The following SFI1 variants were observed in gnomAD, a reference collection of about 807,000 sequenced individuals.
SFI1 encodes SFI1 centrin binding protein.
In SFI1, 195 loss-of-function variants were observed where a neutral mutation model predicts 207.5. That is an observed-to-expected ratio of 0.94 (90% confidence interval 0.84 to 1.06). The LOEUF (loss-of-function observed/expected upper bound fraction) is 1.06, where lower values mean the gene tolerates loss of function less well. Ranked by LOEUF, SFI1 falls within the 50% of genes least tolerant of loss-of-function variation. The probability of loss-of-function intolerance (pLI) is 0.00; values close to 1 mark genes in which losing one functional copy is unlikely to be tolerated. For synonymous variants in SFI1, 630 were observed against 598.9 expected (o/e 1.05, Z -0.76); for missense variants, 1,634 against 1,588.0 (o/e 1.03, Z -0.49).
At chr22:31,557,347 GT>G (rs554292941) in intron 7 of SFI1, among the ~76,000 whole-genome samples, 55 of 139,590 alleles carry the variant, frequency 3.9e-4, no homozygotes, top group African/African-American at 4.5e-4. Context: ...CCCAGCTAAT[GT>G]TTTTTTTTTT....
At chr22:31,602,337 G>A (rs1373062221) in intron 16 of SFI1, 44 bp downstream of exon 16, 1 of 1,573,344 alleles carries the variant, frequency 6.4e-7, no homozygotes. Flanking sequence ...GGCAGGATCT[G>A]ATTCAAGCCA....
At chr22:31,509,137 T>G (rs771254056) in intron 2 of SFI1, among the ~76,000 whole-genome samples, 14 of 152,188 alleles carry the variant, frequency 9.2e-5, no homozygotes, top group Non-Finnish European at 1.3e-4. Context: ...TAAATCCCAC[T>G]TAGTCATGGT....
chr22:31,557,922 C>G (rs1011849064), intron 7 of SFI1, among the ~76,000 whole-genome samples: 1 of 152,142 alleles, frequency 6.6e-6, no homozygotes, highest in African/African-American at 2.4e-5. Flanking sequence ...ACAGATTTCA[C>G]TCTATGTTGT....
At chr22:31,613,301 TG>T in intron 25 of SFI1, 52 bp from the exon 26 acceptor site, 2 of 1,605,250 alleles carry the variant, frequency 1.2e-6, no homozygotes. Flanking sequence ...ACCTGGTCTG[TG>T]GGGGAGCTCT....
At chr22:31,583,520 G>A (rs2064623668) in intron 12 of SFI1, among the ~76,000 whole-genome samples, 1 of 152,116 alleles carries the variant, frequency 6.6e-6, no homozygotes, top group South Asian at 2.1e-4. Flanking sequence ...ACATCTGAGG[G>A]CTTGTTTAGA....
intron 13 of SFI1, among the ~76,000 whole-genome samples, 176 bp downstream of exon 13, chr22:31,584,148 G>T (rs73160662): frequency 0.063 from 9,554 of 152,258 alleles, 420 homozygotes; most frequent in Admixed American, 0.15. Context: ...TGGCTGATCA[G>T]ATGGGAGATA....
chr22:31,618,402 G>A lies in SFI1; in HGVS notation c.3713G>A (p.Arg1238Gln), dbSNP rs776906445. ...TGCGTTGCCCGCATCCAGGCCCTGC[G>A]GCAGGCCCTGTGCTAGCGTGTTCGC... Reference protein sequence around the residue: ...GACVARIQALRQALC With the variant: ...GACVARIQALQQALC The change falls in exon 33 of 33, where the codon CGG becomes CAG. Residue 1238 changes from arginine (R) to glutamine (Q), a missense_variant. By Grantham distance (43) the Arg-to-Gln change is conservative. Coordinates refer to ENST00000400288, the MANE Select transcript of SFI1 (RefSeq NM_001007467.3). 4.1e-5 allele frequency: 66 copies of A among 1,594,822 alleles called. No homozygotes were observed. The highest frequency in any genetic ancestry group is 1.0e-4 in the Admixed American group (6 of 58,886).
chr22:31,563,773 C>A (rs1031245133), intron 8 of SFI1, among the ~76,000 whole-genome samples: 20 of 151,528 alleles, frequency 1.3e-4, no homozygotes, highest in African/African-American at 4.8e-4. Flanking sequence ...TTGATAGAGA[C>A]GGGGTTTTGC....
At chr22:31,531,284 C>T (rs977062369) in intron 4 of SFI1, among the ~76,000 whole-genome samples, 155 bp downstream of exon 4, 2 of 152,148 alleles carry the variant, frequency 1.3e-5, no homozygotes, top group South Asian at 2.1e-4. Context: ...CCATGTAATA[C>T]AGTGGTAACT....
chr22:31,500,095 G>A (rs1272985003), intron 1 of SFI1, among the ~76,000 whole-genome samples: 2 of 150,802 alleles, frequency 1.3e-5, no homozygotes, highest in African/African-American at 4.9e-5. Context: ...TGAGGTGGGC[G>A]ATCACTTGAG....
chr22:31,529,502 G>A (rs1198958235), intron 3 of SFI1, among the ~76,000 whole-genome samples: 1 of 152,186 alleles, frequency 6.6e-6, no homozygotes, highest in Non-Finnish European at 1.5e-5. Context: ...CTCCAGCCTG[G>A]GCGAGAGTGA....
In SFI1 at chr22:31,613,140, A is replaced by AG. The variant is rs2070682583; in HGVS notation, c.2491-1dup. ...GAAATGATCTGGTCTTTCTGGCCCT[A>AG]GCTGGCAGCCAGGAGGCAGGAGCAG... On this transcript the variant is annotated splice_acceptor_variant, in intron 24 of 32. Coordinates refer to ENST00000400288, the MANE Select transcript of SFI1 (RefSeq NM_001007467.3). LOFTEE classifies it high-confidence loss of function. 6.2e-7 allele frequency: 1 copy of AG among 1,613,130 alleles called. No homozygotes were observed. The highest frequency in any genetic ancestry group is 8.5e-7 in the Non-Finnish European group (1 of 1,179,970).
intron 1 of SFI1, among the ~76,000 whole-genome samples, chr22:31,505,755 A>G (rs8139797): frequency 0.035 from 5,293 of 151,632 alleles, 137 homozygotes; most frequent in Non-Finnish European, 0.05. Context: ...ATGGTGGCAC[A>G]TACCTGTGGT....
chr22:31,589,984 G>A (rs1336827914), intron 15 of SFI1, among the ~76,000 whole-genome samples: 1 of 151,432 alleles, frequency 6.6e-6, no homozygotes, highest in African/African-American at 2.4e-5. Flanking sequence ...AGTGGGTAGT[G>A]CAATTCCAGT....
At chr22:31,559,365 G>A (rs1188409600) in intron 7 of SFI1, 2 of 249,704 alleles carry the variant, frequency 8.0e-6, no homozygotes, top group Non-Finnish European at 1.6e-5. Flanking sequence ...AGACGTTGCA[G>A]TGAGTCGAGA....
intron 4 of SFI1, among the ~76,000 whole-genome samples, chr22:31,534,539 T>G (rs143522376): frequency 0.012 from 1,756 of 152,264 alleles, 10 homozygotes; most frequent in Middle Eastern, 0.031. Context: ...AATTCTCTCA[T>G]ATTTTGTCTA....
chr22:31,516,044 T>C (rs2056447689), intron 2 of SFI1, among the ~76,000 whole-genome samples: 1 of 152,070 alleles, frequency 6.6e-6, no homozygotes, highest in Admixed American at 6.6e-5. Context: ...GATTTTCTCT[T>C]TTTGAAGTAC....
At position 31,500,293 on chromosome 22, in the gene SFI1, A is replaced by T. The variant is rs79882948; in HGVS notation, c.-31+3656A>T. The stretch of plus-strand genomic sequence containing the variant: ...ACTCTGTCTCAAAAAAAAAAAAAAA[A>T]AAAGAAAAAATAAATTGCCATAGCC... On this transcript the variant is annotated intron_variant, in intron 1 of 32. Transcript: ENST00000400288. Among the ~76,000 whole-genome samples, 303 of 151,602 alleles carry T rather than the reference A, an allele frequency of 2.0e-3. 2 individuals are homozygous for T. Among genetic ancestry groups the T allele is most frequent in the African/African-American group, 7.0e-3 (290 of 41,354 alleles).
chr22:31,570,042 A>G (rs2062786946), intron 8 of SFI1, among the ~76,000 whole-genome samples: 2 of 151,676 alleles, frequency 1.3e-5, no homozygotes, highest in Admixed American at 1.3e-4. Context: ...GCTTAAGCCC[A>G]GGAGGTTGAG....
Sources: allele counts gnomAD v4.1 joint callset (sites outside exome capture counted in the v4.1 genomes callset), GRCh38; gene constraint gnomAD v4.1.1; transcripts MANE v1.5; gene names NCBI Gene and HGNC (gene_info 2026-07-23, HGNC 2026-07-21).